ARID4B: variants seen among roughly 807,000 people sequenced by gnomAD.
ARID4B encodes the protein AT-rich interactive domain-containing protein 4B.
ARID4B carries 26 observed loss-of-function variants against 147.5 expected under a neutral mutation model. The ratio of observed to expected loss-of-function variants is 0.18; its 90% CI spans 0.13 to 0.24. ARID4B has a LOEUF of 0.24. Ranked by LOEUF, ARID4B falls within the 10% of genes least tolerant of loss-of-function variation. The pLI is 1.00. For missense variants in ARID4B, 1,179 were observed against 1,511.5 expected (o/e 0.78, Z 3.65); for synonymous variants, 512 against 507.9 (o/e 1.01, Z -0.11).
intron 7 of ARID4B, among the ~76,000 whole-genome samples, chr1:235,243,701 T>C (rs966653776): frequency 6.6e-6 from 1 of 152,152 alleles, no homozygotes; most frequent in African/African-American, 2.4e-5. Flanking sequence ...GGCTCAACCT[T>C]TGACATGCAA....
intron 9 of ARID4B, 44 bp downstream of exon 9, chr1:235,234,369 T>C (rs746652967): frequency 1.6e-6 from 2 of 1,239,638 alleles, no homozygotes; most frequent in Non-Finnish European, 2.3e-6. Context: ...AATAACAGCA[T>C]ATATTTATAA....
rs1675439364 is a variant in ARID4B, at chr1:235,327,772, C to T, written c.-53G>A. 1 of 152,766 alleles carries T rather than the reference C, an allele frequency of 6.5e-6. No individual in the cohort carries two copies. The highest frequency in any genetic ancestry group is 2.4e-5 in the African/African-American group (1 of 41,472). 9.5% of individuals were successfully genotyped at this position (152,766 alleles called of 1,614,324 possible). On this transcript the variant is annotated 5_prime_UTR_variant, in exon 1 of 24. Transcript: ENST00000264183. The stretch of plus-strand genomic sequence containing the variant: ...AAGCCCCAGAAAATATCCCTACCTT[C>T]CTCGGAGGCGAGATCTGACCCTGGC...
At chr1:235,214,099 T>TA in intron 16 of ARID4B, 73 bp from the exon 17 acceptor site, 3 of 1,496,504 alleles carry the variant, frequency 2.0e-6, no homozygotes, top group Non-Finnish European at 2.7e-6. Context: ...ACCACATATA[T>TA]TGATAAAAGT....
intron 11 of ARID4B, chr1:235,228,472 T>C (rs1447548839): frequency 6.6e-6 from 1 of 150,924 alleles, no homozygotes; most frequent in Non-Finnish European, 1.5e-5. Context: ...TGACATGCCC[T>C]GCTAATTATT....
intron 17 of ARID4B, among the ~76,000 whole-genome samples, chr1:235,208,842 C>T (rs961752672): frequency 7.9e-5 from 12 of 152,200 alleles, no homozygotes; most frequent in African/African-American, 2.9e-4. Flanking sequence ...TATCTTTCTA[C>T]TTTTATGTAT....
chr1:235,200,869 C>T (rs118082768), intron 17 of ARID4B, among the ~76,000 whole-genome samples: 1 of 152,262 alleles, frequency 6.6e-6, no homozygotes, highest in East Asian at 1.9e-4. Context: ...ATAGGCCAGG[C>T]CCGGTGGCTT....
Position 235,172,784 on chromosome 1 carries a change from A to AT in ARID4B, c.3665-21dup. On this transcript the variant is annotated intron_variant, in intron 22 of 23. Coordinates refer to ENST00000264183, the MANE Select transcript of ARID4B (RefSeq NM_016374.6). ...GGTCCGCTATAAATTTAAAGCTTTC[A>AT]TTAACAGACATTTTTAAAGAAAATT... 1 of 1,511,286 alleles carries AT rather than the reference A, an allele frequency of 6.6e-7. No homozygotes were observed. The highest frequency in any genetic ancestry group is 8.8e-7 in the Non-Finnish European group (1 of 1,134,000). 93.6% of individuals were successfully genotyped at this position (1,511,286 alleles called of 1,614,324 possible).
In ARID4B at chr1:235,191,038, A is replaced by G. The variant is rs556208848; in HGVS notation, c.2125+2975T>C. On this transcript the variant is annotated intron_variant, in intron 19 of 23. Coordinates refer to ENST00000264183, the MANE Select transcript of ARID4B (RefSeq NM_016374.6). Reference sequence around the variant, plus strand: ...TTTATCTTGTTTCAACTATGTGTCAATGAAATTCCAGCTCTCCCTTCCATG... The same window carrying G: ...TTTATCTTGTTTCAACTATGTGTCAGTGAAATTCCAGCTCTCCCTTCCATG... 1.6e-4 allele frequency among the ~76,000 whole-genome samples: 25 copies of G among 152,290 alleles called. No individual in the cohort carries two copies. The South Asian group carries it at 5.2e-3, about 32-fold the overall frequency.
chr1:235,196,679 C>T (rs1233855161), intron 17 of ARID4B, among the ~76,000 whole-genome samples: 2 of 151,764 alleles, frequency 1.3e-5, no homozygotes, highest in African/African-American at 4.8e-5. Flanking sequence ...CGGTGAAACC[C>T]CATCTCTACT....
intron 13 of ARID4B, 123 bp downstream of exon 13, chr1:235,223,040 ATCT>A (rs1418870955): frequency 3.1e-5 from 20 of 641,276 alleles, no homozygotes; most frequent in South Asian, 2.6e-4. Flanking sequence ...TTTCCACTTT[ATCT>A]TCTTCTTAGG....
At chr1:235,179,632 C>A (rs796661153) in intron 20 of ARID4B, among the ~76,000 whole-genome samples, 1 of 149,278 alleles carries the variant, frequency 6.7e-6, no homozygotes, top group East Asian at 2.0e-4. Flanking sequence ...TCAAATTCCA[C>A]AATTATTAAC....
chr1:235,239,931 T>C (rs1230653259), intron 8 of ARID4B, among the ~76,000 whole-genome samples: 1 of 152,176 alleles, frequency 6.6e-6, no homozygotes, highest in Non-Finnish European at 1.5e-5. Flanking sequence ...AGATCAAGGA[T>C]GGAAACACCC....
chr1:235,319,732 T>G (rs1247679564), intron 2 of ARID4B, among the ~76,000 whole-genome samples: 2 of 151,952 alleles, frequency 1.3e-5, no homozygotes, highest in Admixed American at 6.6e-5. Flanking sequence ...GACGGCCAGG[T>G]GCAGTGGCTC....
chr1:235,177,065 T>A (rs1324052425), intron 21 of ARID4B, among the ~76,000 whole-genome samples: 1 of 152,256 alleles, frequency 6.6e-6, no homozygotes, highest in Non-Finnish European at 1.5e-5. Context: ...GTATTGTTTG[T>A]AGTTACTCTC....
At chr1:235,322,274 C>T (rs1674896146) in intron 2 of ARID4B, among the ~76,000 whole-genome samples, 1 of 152,148 alleles carries the variant, frequency 6.6e-6, no homozygotes, top group South Asian at 2.1e-4. Context: ...CCTGCCTCAA[C>T]CTCCCAAAGT....
rs771612905 is a variant in ARID4B at position 235,177,790 on chromosome 1, T to A, written c.3448+10A>T. On this transcript the variant is annotated intron_variant, in intron 21 of 23. Coordinates refer to ENST00000264183, the MANE Select transcript of ARID4B (RefSeq NM_016374.6). ...TTTTATATTTTAAAAATTAGAGATT[T>A]CACACTTACTGCCTTTTCCCTTCTT... is the stretch of plus-strand genomic sequence containing the variant. 2.1e-5 allele frequency: 33 copies of A among 1,564,210 alleles called. No homozygotes were observed. Among genetic ancestry groups the A allele is most frequent in the Non-Finnish European group, 2.9e-5 (33 of 1,146,254 alleles).
intron 2 of ARID4B, among the ~76,000 whole-genome samples, chr1:235,292,384 C>T (rs764577013): frequency 1.4e-4 from 21 of 152,138 alleles, no homozygotes; most frequent in Non-Finnish European, 2.8e-4. Flanking sequence ...GAGGCCAAGG[C>T]AGGTGGATCA....
Position 235,326,942 on chromosome 1 carries a change from C to G in ARID4B, c.-23G>C. ...CATGATGACTCTGGGACCAAGGTAT[C>G]CTCTAAAACACCAGGTTCAGCTGCA... On this transcript the variant is annotated 5_prime_UTR_variant, in exon 2 of 24. Coordinates refer to ENST00000264183, the MANE Select transcript of ARID4B (RefSeq NM_016374.6). 1 of 1,613,674 alleles carries G rather than the reference C, an allele frequency of 6.2e-7. No homozygotes were observed. The highest frequency in any genetic ancestry group is 8.5e-7 in the Non-Finnish European group (1 of 1,179,690).
intron 17 of ARID4B, among the ~76,000 whole-genome samples, chr1:235,210,463 T>C (rs1666641801): frequency 2.0e-5 from 3 of 151,998 alleles, no homozygotes; most frequent in African/African-American, 7.3e-5. Context: ...CTGATGAGGA[T>C]TTGTTGCAGT....
Sources: allele counts gnomAD v4.1 joint callset (sites outside exome capture counted in the v4.1 genomes callset), GRCh38; gene constraint gnomAD v4.1.1; transcripts MANE v1.5; gene names NCBI Gene and HGNC (gene_info 2026-07-23, HGNC 2026-07-21).